The following RIMBP2 variants were observed in gnomAD, a reference collection of about 807,000 sequenced individuals.
RIMBP2 encodes the protein RIMS-binding protein 2.
RIMBP2 carries 48 observed loss-of-function variants against 118.6 expected under a neutral mutation model. The observed-to-expected ratio is 0.40, with a 90% CI of 0.32 to 0.51. RIMBP2 has a LOEUF of 0.51. Ranked by LOEUF, RIMBP2 falls within the 20% of genes least tolerant of loss-of-function variation. The probability of loss-of-function intolerance (pLI) is 0.41; values close to 1 mark genes in which losing one functional copy is unlikely to be tolerated. For missense variants in RIMBP2, 1,551 were observed against 1,768.3 expected (o/e 0.88, Z 2.20); for synonymous variants, 762 against 742.9 (o/e 1.03, Z -0.42).
intron 1 of RIMBP2, among the ~76,000 whole-genome samples, chr12:130,631,763 T>C (rs10082766): frequency 0.65 from 98,902 of 151,964 alleles, 32,482 homozygotes; most frequent in Admixed American, 0.73. Flanking sequence ...GTATTGAAAG[T>C]GGGCTCAAGG....
intron 1 of RIMBP2, among the ~76,000 whole-genome samples, chr12:130,707,002 A>T (rs559476973): frequency 1.1e-4 from 17 of 152,296 alleles, no homozygotes; most frequent in Middle Eastern, 3.4e-3. Context: ...TAACAATGTG[A>T]AATCCTGAAA....
chr12:130,456,819 C>A (rs1347856710), intron 6 of RIMBP2, 119 bp from the exon 7 acceptor site: 7 of 695,572 alleles, frequency 1.0e-5, no homozygotes, highest in Non-Finnish European at 1.4e-5. Flanking sequence ...TGTGTACACA[C>A]GTGTTGTGTC....
At position 130,447,695 on chromosome 12, in the gene RIMBP2, G is replaced by T. The variant is rs181332064; in HGVS notation, c.582-2426C>A. Among the ~76,000 whole-genome samples the T allele has an allele frequency of 4.1e-4, 62 of 152,270 alleles. No homozygotes were observed. The highest frequency in any genetic ancestry group is 1.4e-3 in the African/African-American group (57 of 41,540). ...TGAGGACCATCTCTCCGTACAGCTG[G>T]CGAAAGGAAGGATGGTGATGAATGT... is the stretch of plus-strand genomic sequence containing the variant. On this transcript the variant is annotated intron_variant, in intron 9 of 22. Coordinates refer to ENST00000690449, the MANE Select transcript of RIMBP2 (RefSeq NM_001393629.1). The surrounding 1 kb of genome is among the most constrained non-coding windows in gnomAD (Gnocchi z 4.4).
intron 4 of RIMBP2, among the ~76,000 whole-genome samples, chr12:130,486,472 C>A (rs868034692): frequency 6.6e-6 from 1 of 151,954 alleles, no homozygotes; most frequent in African/African-American, 2.4e-5. Flanking sequence ...CCCCCGCCCC[C>A]CCGCCACTCA....
chr12:130,535,484 A>G (rs1293282766), intron 2 of RIMBP2, among the ~76,000 whole-genome samples: 2 of 152,070 alleles, frequency 1.3e-5, no homozygotes, highest in African/African-American at 4.8e-5. Context: ...TCTGCACTTC[A>G]GCCTGGGCAA....
chr12:130,585,751 C>A (rs1226747713), intron 2 of RIMBP2, among the ~76,000 whole-genome samples: 1 of 152,174 alleles, frequency 6.6e-6, no homozygotes. Flanking sequence ...TGAATCCAGG[C>A]TGCCCCTGCA....
Position 130,494,945 on chromosome 12 carries a change from A to G in RIMBP2, c.-4+11703T>C, listed in dbSNP as rs76980901. Among the ~76,000 whole-genome samples, 20 of 152,294 alleles carry G rather than the reference A, an allele frequency of 1.3e-4. No individual in the cohort carries two copies. The East Asian group carries it at 3.9e-3, about 29-fold the overall frequency. ...TCCTCTCGTGGAACCTCTGAGGGAG[A>G]AGCCGCCCCATGCCCCGCTCCAGCT... is the stretch of plus-strand genomic sequence containing the variant. On this transcript the variant is annotated intron_variant, in intron 4 of 22. Transcript: ENST00000690449.
chr12:130,546,488 G>T (rs1212509180), intron 2 of RIMBP2, among the ~76,000 whole-genome samples: 1 of 152,078 alleles, frequency 6.6e-6, no homozygotes, highest in Non-Finnish European at 1.5e-5. Context: ...TAGAGATGGG[G>T]TTTTGCCGTG....
intron 2 of RIMBP2, among the ~76,000 whole-genome samples, chr12:130,561,115 CA>C (rs1451447354): frequency 1.3e-5 from 2 of 152,146 alleles, no homozygotes; most frequent in African/African-American, 4.8e-5. Context: ...AGATGGCCAC[CA>C]AATCACCAGA....
At chr12:130,676,095 T>G (rs2136495020) in intron 1 of RIMBP2, among the ~76,000 whole-genome samples, 1 of 152,346 alleles carries the variant, frequency 6.6e-6, no homozygotes, top group Admixed American at 6.5e-5. Context: ...GCACCGGACC[T>G]GCTGATGTCT....
At position 130,456,713 on chromosome 12, in the gene RIMBP2, A is replaced by AT. The variant is rs1300053610; in HGVS notation, c.154-14_154-13insA. 1 of 1,590,668 alleles carries AT rather than the reference A, an allele frequency of 6.3e-7. No individual in the cohort carries two copies. The highest frequency in any genetic ancestry group is 1.4e-5 in the African/African-American group (1 of 73,984). ...CTCGAACCTTGGACTGCACGGCAGA[A>AT]GCAGGACAGGGGGTCAGCGGTGGCA... is the stretch of plus-strand genomic sequence containing the variant. On this transcript the variant is annotated splice_polypyrimidine_tract_variant and intron_variant, in intron 6 of 22. Coordinates refer to ENST00000690449, the MANE Select transcript of RIMBP2 (RefSeq NM_001393629.1).
At chr12:130,702,547 AGAAGGAAGGAAGGAAG>A (rs57904486) in intron 1 of RIMBP2, among the ~76,000 whole-genome samples, 35,128 of 141,808 alleles carry the variant, frequency 0.25, 4,626 homozygotes, top group South Asian at 0.4. Flanking sequence ...AAAACAAGAA[AGAAGGAAGGAAGGAAG>A]GAAGGAAGGA....
At chr12:130,596,869 A>C (rs2059591655) in intron 2 of RIMBP2, among the ~76,000 whole-genome samples, 1 of 152,232 alleles carries the variant, frequency 6.6e-6, no homozygotes, top group South Asian at 2.1e-4. Flanking sequence ...AATTTCGTGG[A>C]AGATACAAAT....
At chr12:130,445,820 G>A (rs1417021647) in intron 9 of RIMBP2, among the ~76,000 whole-genome samples, 3 of 152,144 alleles carry the variant, frequency 2.0e-5, no homozygotes, top group African/African-American at 7.2e-5. Flanking sequence ...GTTGGGCAGT[G>A]AGGTTTCTTC....
intron 1 of RIMBP2, among the ~76,000 whole-genome samples, chr12:130,678,407 G>A (rs1334582797): frequency 6.6e-6 from 1 of 152,234 alleles, no homozygotes; most frequent in Non-Finnish European, 1.5e-5. Context: ...GGAATATTCC[G>A]CAGCCACCAA....
intron 2 of RIMBP2, among the ~76,000 whole-genome samples, chr12:130,594,387 A>G (rs2059437688): frequency 6.6e-6 from 1 of 152,244 alleles, no homozygotes; most frequent in Non-Finnish European, 1.5e-5. Context: ...TAAGACAGGT[A>G]GAGGAGAGCA....
At chr12:130,402,729 C>T (rs766017242) in intron 21 of RIMBP2, among the ~76,000 whole-genome samples, 2 of 152,190 alleles carry the variant, frequency 1.3e-5, no homozygotes, top group African/African-American at 2.4e-5. Context: ...ACACCAAAAT[C>T]GATCCCCTCC....
At chr12:130,636,291 G>A (rs562654073) in intron 1 of RIMBP2, among the ~76,000 whole-genome samples, 5 of 152,110 alleles carry the variant, frequency 3.3e-5, no homozygotes, top group Non-Finnish European at 7.3e-5. Flanking sequence ...CCTCCCTACT[G>A]GCACTCTTGA....
intron 2 of RIMBP2, among the ~76,000 whole-genome samples, chr12:130,532,810 T>C (rs1276078812): frequency 7.1e-6 from 1 of 141,724 alleles, no homozygotes; most frequent in African/African-American, 2.6e-5. Flanking sequence ...TGCGTGTGTG[T>C]AGCCTCTAGG....
Sources: allele counts gnomAD v4.1 joint callset (sites outside exome capture counted in the v4.1 genomes callset), GRCh38; gene constraint gnomAD v4.1.1; non-coding constraint Gnocchi (gnomAD v3.1); transcripts MANE v1.5; gene names NCBI Gene and HGNC (gene_info 2026-07-23, HGNC 2026-07-21).